The following DYSF variants were observed in gnomAD, a reference collection of about 807,000 sequenced individuals.
The protein encoded by DYSF is dystrophy-associated fer-1-like 1.
DYSF carries 212 observed loss-of-function variants against 274.9 expected under a neutral mutation model. The observed-to-expected ratio is 0.77, with a 90% CI of 0.69 to 0.86. The LOEUF (loss-of-function observed/expected upper bound fraction) is 0.86. Ranked by LOEUF, DYSF falls within the 40% of genes least tolerant of loss-of-function variation. The probability of loss-of-function intolerance (pLI) is 0.00; values close to 1 mark genes in which losing one functional copy is unlikely to be tolerated. For synonymous variants in DYSF, 1,091 were observed against 1,078.7 expected (o/e 1.01, Z -0.22); for missense variants, 2,666 against 2,783.2 (o/e 0.96, Z 0.95).
At chr2:71,458,444 C>T (rs548733647) in intron 1 of DYSF, among the ~76,000 whole-genome samples, 6 of 152,138 alleles carry the variant, frequency 3.9e-5, no homozygotes, top group African/African-American at 7.2e-5. Context: ...GGTGGGTGGC[C>T]GTCTGTCTGC....
chr2:71,459,328 C>G (rs931849049), intron 1 of DYSF, among the ~76,000 whole-genome samples: 2 of 152,198 alleles, frequency 1.3e-5, no homozygotes, highest in Admixed American at 1.3e-4. Context: ...TGGCCCAACT[C>G]CAGCAGCAAG....
Position 71,611,364 on chromosome 2 carries a change from G to T in DYSF, c.4059+18G>T. 1 of 1,612,534 alleles carries T rather than the reference G, an allele frequency of 6.2e-7. No homozygotes were observed. Among genetic ancestry groups the T allele is most frequent in the Non-Finnish European group, 8.5e-7 (1 of 1,179,850 alleles). On this transcript the variant is annotated intron_variant, in intron 37 of 55. Transcript: ENST00000410020. ...CCATCGAGGTGAGCCGTCCGGGCCTGGGCGTGGGGGCTGGGAGCAGCCTGC... is the reference window on the plus strand; with the variant it reads ...CCATCGAGGTGAGCCGTCCGGGCCTTGGCGTGGGGGCTGGGAGCAGCCTGC...
chr2:71,508,750 G>A (rs979187780), intron 4 of DYSF, among the ~76,000 whole-genome samples: 3 of 152,170 alleles, frequency 2.0e-5, no homozygotes, highest in Non-Finnish European at 2.9e-5. Flanking sequence ...CCCGCTAATC[G>A]TTCATCTACT....
At chr2:71,453,744 C>A (rs1322414667) in exon 1 of DYSF, 1 of 561,798 alleles carries the variant, frequency 1.8e-6, no homozygotes, top group Non-Finnish European at 3.2e-6. Context: ...AGCAGAAGCC[C>A]CTGTTCTCGG....
chr2:71,580,349 C>T lies in DYSF; in HGVS notation c.3402+5978C>T, dbSNP rs143814172. Among the ~76,000 whole-genome samples the T allele has an allele frequency of 6.1e-3, 932 of 152,322 alleles. 8 individuals carry two copies. Among genetic ancestry groups the T allele is most frequent in the African/African-American group, 0.021 (886 of 41,578 alleles). On this transcript the variant is annotated intron_variant, in intron 30 of 55. Transcript: ENST00000410020. ...GACAGGCAGCTCAAGCCTGGGCCGGCGAGGCAAGGCCAGTTGGGAGTCAGA... is the reference window on the plus strand; with the variant it reads ...GACAGGCAGCTCAAGCCTGGGCCGGTGAGGCAAGGCCAGTTGGGAGTCAGA...
chr2:71,564,208 C>G lies in DYSF; in HGVS notation c.2560C>G (p.Leu854Val), dbSNP rs775456247. ...KNCGKLQTIF[L>V]KYPMEKVPGA... is the part of the protein sequence containing the mutation. Reference sequence around the variant, plus strand: ...TTGTGGGAAGCTACAGACAATCTTTCTGAAAGTGAGTTTTCTTTTTTCCCA... The same window carrying G: ...TTGTGGGAAGCTACAGACAATCTTTGTGAAAGTGAGTTTTCTTTTTTCCCA... Residue 854 changes from leucine (L) to valine (V), a missense_variant, in exon 24 of 56, where the codon CTG becomes GTG. Leu to Val is a conservative substitution (Grantham distance 32). This residue lies in a region of DYSF where 412 missense variants were observed against 504.0 expected (regional missense o/e 0.82). Coordinates refer to ENST00000410020, the MANE Select transcript of DYSF (RefSeq NM_001130987.2). 30 of 1,614,264 alleles carry G rather than the reference C, an allele frequency of 1.9e-5. No individual in the cohort carries two copies. In the South Asian group the frequency reaches 3.2e-4, roughly 17 times the overall value.
At position 71,481,794 on chromosome 2, in the gene DYSF, G is replaced by T. The variant is rs532932049; in HGVS notation, c.148-85G>T. The T allele has an allele frequency of 2.7e-5, 29 of 1,066,280 alleles. 1 individual carries two copies. In the South Asian group the frequency reaches 3.4e-4, roughly 13 times the overall value. 66.1% of individuals were successfully genotyped at this position (1,066,280 alleles called of 1,614,324 possible). On this transcript the variant is annotated intron_variant, in intron 2 of 55. Transcript: ENST00000410020. Reference sequence around the variant, plus strand: ...AATCATTCATGAATGCCTACTCAGTGCCCTGGTGGCACGAAGGTGAACCAG... The same window carrying T: ...AATCATTCATGAATGCCTACTCAGTTCCCTGGTGGCACGAAGGTGAACCAG...
chr2:71,680,968 G>C (rs117788234), intron 53 of DYSF, 33 bp from the exon 54 acceptor site: 1 of 1,602,420 alleles, frequency 6.2e-7, no homozygotes, highest in Admixed American at 1.7e-5. Context: ...CAGAGCCTTC[G>C]TGCCCCTAAC....
chr2:71,453,875 T>C, exon 1 of DYSF: 2 of 965,256 alleles, frequency 2.1e-6, no homozygotes, highest in Non-Finnish European at 3.3e-6. Context: ...GAGCCAGAGA[T>C]TCGAGCCGGC....
At position 71,502,760 on chromosome 2, in the gene DYSF, A is replaced by G. The variant is rs183615558; in HGVS notation, c.240-454A>G. Reference sequence around the variant, plus strand: ...GAAGGTTTCCTTGCTTTTCATGTACAATCAATCACTGCCGGCGGAGCCCTG... The same window carrying G: ...GAAGGTTTCCTTGCTTTTCATGTACGATCAATCACTGCCGGCGGAGCCCTG... On this transcript the variant is annotated intron_variant, in intron 3 of 55. Transcript: ENST00000410020. Among the ~76,000 whole-genome samples the G allele has an allele frequency of 7.4e-4, 113 of 152,292 alleles. 1 individual carries two copies. The highest frequency in any genetic ancestry group is 4.6e-3 in the Admixed American group (71 of 15,300).
chr2:71,637,742 A>G (rs1354719382), intron 41 of DYSF, among the ~76,000 whole-genome samples: 5 of 152,182 alleles, frequency 3.3e-5, no homozygotes, highest in African/African-American at 7.2e-5. Flanking sequence ...AGGTGGAAGG[A>G]GTTTAGGAGA....
At chr2:71,659,105 A>G (rs1306462340) in intron 44 of DYSF, 72 bp downstream of exon 44, 4 of 1,596,950 alleles carry the variant, frequency 2.5e-6, no homozygotes, top group Non-Finnish European at 3.4e-6. Flanking sequence ...GAACCTGGAC[A>G]CAAACTCTGC....
intron 32 of DYSF, among the ~76,000 whole-genome samples, chr2:71,594,553 C>T (rs1256752398): frequency 1.3e-5 from 2 of 152,158 alleles, no homozygotes; most frequent in Non-Finnish European, 2.9e-5. Flanking sequence ...TACAGGATTC[C>T]GTCCAAATTG....
intron 22 of DYSF, among the ~76,000 whole-genome samples, chr2:71,560,423 G>GGCCCAGGCCCCC (rs1553548274): frequency 6.7e-5 from 10 of 149,934 alleles, no homozygotes; most frequent in South Asian, 4.2e-4. Context: ...GCAGGCCCCC[G>GGCCCAGGCCCCC]CCCCGCTACC....
chr2:71,515,604 T>C lies in DYSF; in HGVS notation c.760-19T>C, dbSNP rs1050742438. 1 of 1,613,718 alleles carries C rather than the reference T, an allele frequency of 6.2e-7. No homozygotes were observed. Among genetic ancestry groups the C allele is most frequent in the Non-Finnish European group, 8.5e-7 (1 of 1,179,854 alleles). On this transcript the variant is annotated intron_variant, in intron 7 of 55. Coordinates refer to ENST00000410020, the MANE Select transcript of DYSF (RefSeq NM_001130987.2). ...ACTCTTCCCCCTTCCTCCTGCTCTT[T>C]CCTCCTTCTGGCTTTCAGATCAGGG... is the stretch of plus-strand genomic sequence containing the variant.
rs1243434554 is a variant in DYSF at position 71,555,988 on chromosome 2, C to T, written c.2133C>T (p.His711=). 6.4e-7 allele frequency: 1 copy of T among 1,567,974 alleles called. No individual in the cohort carries two copies. Among genetic ancestry groups the T allele is most frequent in the East Asian group, 2.3e-5 (1 of 43,106 alleles). ...DRLEAGLEQV[H]LALKAQCSTE... is the part of the protein sequence containing the mutation. ...AGGAAGCTGGCCTGGAGCAGGTCCA[C>T]CTGGCCCTGAAGGCGCAGTGCTCCA... Residue 711 remains histidine (H), a synonymous_variant, in exon 22 of 56, where the codon CAC becomes CAT. Transcript: ENST00000410020.
At chr2:71,577,712 C>T (rs1311225201) in intron 30 of DYSF, among the ~76,000 whole-genome samples, 1 of 152,134 alleles carries the variant, frequency 6.6e-6, no homozygotes, top group African/African-American at 2.4e-5. Context: ...TCCACAGTCA[C>T]GTTTCCGTCT....
At position 71,535,092 on chromosome 2, in the gene DYSF, G is replaced by A. The variant is rs764771218; in HGVS notation, c.1449+3G>A. 121 of 1,614,004 alleles carry A rather than the reference G, an allele frequency of 7.5e-5. 1 individual carries two copies. Among genetic ancestry groups the A allele is most frequent in the Non-Finnish European group, 1.4e-5 (16 of 1,180,024 alleles). ...AGAACATCACACTGCCTGCCATGGT[G>A]AGCCTCCTGCCCCCAGCAAACCCAA... On this transcript the variant is annotated splice_donor_region_variant and intron_variant, in intron 15 of 55. Transcript: ENST00000410020.
At chr2:71,656,094 C>G in intron 42 of DYSF, 68 bp from the exon 43 acceptor site, 1 of 1,590,774 alleles carries the variant, frequency 6.3e-7, no homozygotes, top group Non-Finnish European at 8.6e-7. Flanking sequence ...CTCTTGTTTC[C>G]TTTCCTTTGC....
Sources: gnomAD v4.1 joint callset for allele counts (sites outside exome capture counted in the v4.1 genomes callset) on GRCh38, gnomAD v4.1.1 for gene constraint, gnomAD v4.1.1 regional missense constraint, MANE v1.5 for transcripts, NCBI Gene and HGNC (gene_info 2026-07-23, HGNC 2026-07-21) for gene names.